PTPA: variants seen among roughly 807,000 people sequenced by gnomAD.
The protein encoded by PTPA is serine/threonine-protein phosphatase 2A activator.
In PTPA, 13 loss-of-function variants were observed where a neutral mutation model predicts 43.6. The observed-to-expected ratio is 0.30, with a 90% CI of 0.19 to 0.47. The LOEUF is 0.47. Ranked by LOEUF, PTPA falls within the 20% of genes least tolerant of loss-of-function variation. The pLI, the probability that PTPA is intolerant of heterozygous loss-of-function variation, is 0.99. For synonymous variants in PTPA, 172 were observed against 158.2 expected (o/e 1.09, Z -0.66); for missense variants, 329 against 411.9 (o/e 0.80, Z 1.74).
chr9:129,111,579 G>C lies in PTPA; in HGVS notation c.-22G>C. The C allele has an allele frequency of 7.7e-7, 1 of 1,292,678 alleles. No individual in the cohort carries two copies. Among genetic ancestry groups the C allele is most frequent in the Non-Finnish European group, 9.9e-7 (1 of 1,012,034 alleles). 80.1% of individuals were successfully genotyped at this position (1,292,678 alleles called of 1,614,324 possible). A position where few individuals can be genotyped will look rare whatever the true frequency, so the allele number is the denominator to read the frequency against. On this transcript the variant is annotated 5_prime_UTR_variant, in exon 1 of 10. Coordinates refer to ENST00000393370, the MANE Select transcript of PTPA (RefSeq NM_178000.3). ...GCGAGAGGGGACTGCAAGCATCCGG[G>C]TCGGCTCCTGGCCGGAGCAAGATGG...
chr9:129,123,239 C>A, intron 3 of PTPA, 101 bp downstream of exon 3: 1 of 978,480 alleles, frequency 1.0e-6, no homozygotes, highest in South Asian at 1.4e-5. Context: ...CTTGGGAGGC[C>A]GAGGCAGGCG....
Position 129,147,244 on chromosome 9 carries a change from G to T in PTPA, c.895-143G>T, listed in dbSNP as rs775367295. The T allele has an allele frequency of 5.7e-6, 4 of 696,308 alleles. No homozygotes were observed. In the South Asian group the frequency reaches 6.8e-5, roughly 12 times the overall value. The allele number at this position is 696,308 out of a possible 1,614,324, so 43.1% of individuals were successfully genotyped here. A position where few individuals can be genotyped will look rare whatever the true frequency, so the allele number is the denominator to read the frequency against. ...CTTTGGATAGAAGGAGTGAGGAACT[G>T]GGGGAGGAAGGCCTGGGGGATCCCC... On this transcript the variant is annotated intron_variant, in intron 9 of 9. Transcript: ENST00000393370.
chr9:129,117,138 C>T (rs1484092876), intron 1 of PTPA, among the ~76,000 whole-genome samples: 1 of 151,588 alleles, frequency 6.6e-6, no homozygotes, highest in Non-Finnish European at 1.5e-5. Context: ...GCCTCAGCCT[C>T]CTGGGCTCAA....
At chr9:129,142,392 G>T in intron 8 of PTPA, 53 bp from the exon 9 acceptor site, 1 of 1,509,428 alleles carries the variant, frequency 6.6e-7, no homozygotes, top group South Asian at 1.3e-5. Flanking sequence ...GGGGAGGAGG[G>T]ATGAGCTCCC....
intron 1 of PTPA, among the ~76,000 whole-genome samples, chr9:129,118,065 TCC>T (rs1491236093): frequency 1.9e-5 from 2 of 104,568 alleles, no homozygotes; most frequent in African/African-American, 6.1e-5. Flanking sequence ...TTTTTTTTTT[TCC>T]CCCGAGATGG....
At chr9:129,111,731 T>C (rs990511485) in intron 1 of PTPA, 100 bp downstream of exon 1, 9 of 1,226,054 alleles carry the variant, frequency 7.3e-6, no homozygotes, top group Non-Finnish European at 9.1e-6. Context: ...ACGGAGGAAC[T>C]GGAGGGGCAA....
At chr9:129,143,282 C>T in intron 9 of PTPA, 4 of 702,722 alleles carry the variant, frequency 5.7e-6, no homozygotes, top group Admixed American at 2.0e-5. Context: ...AAGACTAATT[C>T]TAGAACTGCT....
At chr9:129,139,513 C>T (rs899370970) in intron 8 of PTPA, 1 of 152,146 alleles carries the variant, frequency 6.6e-6, no homozygotes, top group East Asian at 1.9e-4. Context: ...AGGAGTGTGC[C>T]CAGGAGCCGG....
chr9:129,142,161 AAG>A (rs72003256), intron 8 of PTPA: 12,168 of 340,906 alleles, frequency 0.036, 320 homozygotes, highest in Middle Eastern at 0.048. Flanking sequence ...CTGTGGGAGA[AAG>A]AGGGGTGACT....
At chr9:129,114,721 AT>A (rs1848757212) in intron 1 of PTPA, among the ~76,000 whole-genome samples, 1 of 152,180 alleles carries the variant, frequency 6.6e-6, no homozygotes, top group East Asian at 1.9e-4. Flanking sequence ...TGTTGATTTT[AT>A]ACTGTGAGGT....
chr9:129,144,121 C>T (rs1034137472), intron 9 of PTPA, among the ~76,000 whole-genome samples: 5 of 151,880 alleles, frequency 3.3e-5, no homozygotes, highest in African/African-American at 1.2e-4. Flanking sequence ...GCAAGAGACC[C>T]TGTCCCCTTC....
chr9:129,111,663 T>G (rs568208661), intron 1 of PTPA, 32 bp downstream of exon 1: 4 of 1,252,808 alleles, frequency 3.2e-6, no homozygotes, highest in African/African-American at 3.2e-5. Context: ...CGGGCCGGGG[T>G]CGGGTAGGGT....
chr9:129,133,715 A>G (rs1453621342), intron 5 of PTPA, among the ~76,000 whole-genome samples: 3 of 152,166 alleles, frequency 2.0e-5, no homozygotes, highest in Admixed American at 6.5e-5. Context: ...GTGGCTCCCT[A>G]TTGCTCTTAG....
intron 1 of PTPA, among the ~76,000 whole-genome samples, chr9:129,114,766 C>T (rs1343857842): frequency 6.6e-6 from 1 of 152,190 alleles, no homozygotes; most frequent in African/African-American, 2.4e-5. Flanking sequence ...GAACCTATGT[C>T]TCTATAACCT....
At chr9:129,134,324 T>TTTTTTTTG (rs1554733072) in intron 5 of PTPA, among the ~76,000 whole-genome samples, 1 of 96,354 alleles carries the variant, frequency 1.0e-5, no homozygotes, top group African/African-American at 3.9e-5. Flanking sequence ...TTTTTTTTTT[T>TTTTTTTTG]GAGACAGTCT....
chr9:129,144,906 G>C (rs1215119335), intron 9 of PTPA, among the ~76,000 whole-genome samples: 1 of 152,156 alleles, frequency 6.6e-6, no homozygotes, highest in Non-Finnish European at 1.5e-5. Context: ...GGTGGCTCAT[G>C]CCTGTGGTCC....
intron 8 of PTPA, chr9:129,138,046 A>C (rs1850498419): frequency 2.8e-6 from 1 of 352,130 alleles, no homozygotes. Flanking sequence ...GTGGGGCCCC[A>C]CAAGGGTCTG....
intron 6 of PTPA, among the ~76,000 whole-genome samples, chr9:129,135,117 G>A (rs572898366): frequency 2.0e-5 from 3 of 152,196 alleles, no homozygotes; most frequent in Admixed American, 6.5e-5. Flanking sequence ...CACATAGGCC[G>A]GGCGCGGTGG....
Position 129,147,421 on chromosome 9 carries a change from A to G in PTPA, c.929A>G (p.Lys310Arg). 2 of 1,614,002 alleles carry G rather than the reference A, an allele frequency of 1.2e-6. No individual in the cohort carries two copies. The highest frequency in any genetic ancestry group is 8.5e-7 in the Non-Finnish European group (1 of 1,179,962). The change falls in exon 10 of 10, where the codon AAG (lysine) becomes AGG (arginine). Residue 310 changes from lysine (K) to arginine (R), a missense_variant. By Grantham distance (26) the Lys-to-Arg change is conservative. Transcript: ENST00000393370. ...AAGTTCCCTGTGATCCAGCACTTCA[A>G]GTTCGGGAGCCTGCTGCCCATCCAT... ...LEKFPVIQHF[K>R]FGSLLPIHPV...
Sources: allele counts gnomAD v4.1 joint callset (sites outside exome capture counted in the v4.1 genomes callset), GRCh38; gene constraint gnomAD v4.1.1; transcripts MANE v1.5; gene names NCBI Gene and HGNC (gene_info 2026-07-23, HGNC 2026-07-21).